Variants in ZFHX3 observed in about 807,000 individuals in gnomAD.
ZFHX3 encodes zinc finger homeobox 3.
Under a neutral mutation model 279.1 loss-of-function variants are expected in ZFHX3, and 42 were observed. The observed-to-expected ratio is 0.15, with a 90% CI of 0.12 to 0.19. The LOEUF is 0.19. Ranked by LOEUF, ZFHX3 falls within the 10% of genes least tolerant of loss-of-function variation. The probability of loss-of-function intolerance (pLI) is 1.00; values close to 1 mark genes in which losing one functional copy is unlikely to be tolerated. For synonymous variants in ZFHX3, 2,293 were observed against 1,957.8 expected (o/e 1.17, Z -4.52); for missense variants, 4,981 against 4,754.0 (o/e 1.05, Z -1.40).
intron 4 of ZFHX3, among the ~76,000 whole-genome samples, chr16:72,883,003 T>C (rs952686257): frequency 1.4e-5 from 2 of 138,184 alleles, no homozygotes; most frequent in Non-Finnish European, 1.6e-5. Context: ...TGTGTGTGTG[T>C]GTGTGTGTGT....
intron 1 of ZFHX3, among the ~76,000 whole-genome samples, chr16:72,997,429 AG>A (rs1963338296): frequency 6.6e-6 from 1 of 152,136 alleles, no homozygotes; most frequent in South Asian, 2.1e-4. Context: ...CTTGCCCTCA[AG>A]GGTTCCCCAG....
At chr16:72,945,499 C>A (rs1223630665) in intron 3 of ZFHX3, among the ~76,000 whole-genome samples, 1 of 152,134 alleles carries the variant, frequency 6.6e-6, no homozygotes, top group Admixed American at 6.5e-5. Flanking sequence ...AGGCCTCCAG[C>A]TGCTCCAGGA....
chr16:73,155,010 C>T (rs1165576016), intron 5 of ZFHX3, among the ~76,000 whole-genome samples: 1 of 151,744 alleles, frequency 6.6e-6, no homozygotes, highest in East Asian at 1.9e-4. Context: ...CCCATCTCTA[C>T]TAAAAATACA....
chr16:73,343,979 C>T (rs2016080333), intron 3 of ZFHX3, among the ~76,000 whole-genome samples: 1 of 152,158 alleles, frequency 6.6e-6, no homozygotes, highest in African/African-American at 2.4e-5. Flanking sequence ...GGGCAAACAT[C>T]ACAGTAATAA....
chr16:73,770,902 C>T (rs546593198), intron 1 of ZFHX3, among the ~76,000 whole-genome samples: 39 of 152,258 alleles, frequency 2.6e-4, no homozygotes, highest in African/African-American at 4.6e-4. Flanking sequence ...ATGTGTTAGA[C>T]GGATGGATGG....
intron 3 of ZFHX3, among the ~76,000 whole-genome samples, chr16:73,441,207 G>A (rs8044733): frequency 0.036 from 5,489 of 152,148 alleles, 269 homozygotes; most frequent in East Asian, 0.25. Context: ...GCAGGATAAG[G>A]CCCACTGCTT....
intron 1 of ZFHX3, among the ~76,000 whole-genome samples, chr16:73,798,063 C>T (rs888348530): frequency 1.3e-5 from 2 of 152,172 alleles, no homozygotes; most frequent in Middle Eastern, 3.4e-3. Flanking sequence ...CCTGCCTTGG[C>T]CTCTCAAAGT....
intron 1 of ZFHX3, among the ~76,000 whole-genome samples, chr16:73,802,378 G>A (rs1960170446): frequency 6.6e-6 from 1 of 152,224 alleles, no homozygotes; most frequent in South Asian, 2.1e-4. Flanking sequence ...GTGTTTCCCA[G>A]TGTAAGCAAT....
chr16:73,148,844 G>A (rs1188924102), intron 5 of ZFHX3, among the ~76,000 whole-genome samples: 4 of 151,702 alleles, frequency 2.6e-5, no homozygotes, highest in African/African-American at 9.7e-5. Flanking sequence ...CTACTCAGGA[G>A]GCTGAGGCAG....
intron 1 of ZFHX3, among the ~76,000 whole-genome samples, chr16:73,007,600 C>T (rs1276613773): frequency 6.6e-6 from 1 of 152,118 alleles, no homozygotes; most frequent in Admixed American, 6.5e-5. Flanking sequence ...GTGCCCACCA[C>T]CGCACCCGGC....
rs188146162 is a variant in ZFHX3, at chr16:73,840,825, C to T, written c.-1608+50826G>A. On this transcript the variant is annotated intron_variant, in intron 1 of 17. Coordinates refer to the ZFHX3 transcript ENST00000641206. ...TCGACTGATGAGATTTCCATTCCTC[C>T]TCCCGGTAAAACATGTCCCTTGGCA... Among the ~76,000 whole-genome samples the T allele has an allele frequency of 1.9e-3, 282 of 152,306 alleles. 2 individuals carry two copies. The highest frequency in any genetic ancestry group is 3.1e-3 in the Non-Finnish European group (208 of 68,030).
chr16:73,413,559 T>C (rs1227633091), intron 3 of ZFHX3, among the ~76,000 whole-genome samples: 1 of 152,206 alleles, frequency 6.6e-6, no homozygotes, highest in East Asian at 1.9e-4. Flanking sequence ...AGTAGCTCTA[T>C]GCTGGGGGCT....
At chr16:73,764,583 TA>T (rs1297983870) in intron 1 of ZFHX3, among the ~76,000 whole-genome samples, 1 of 151,914 alleles carries the variant, frequency 6.6e-6, no homozygotes, top group Non-Finnish European at 1.5e-5. Flanking sequence ...AAACAGCCAA[TA>T]CAAAAGGGAA....
At chr16:73,100,303 G>A (rs954232944) in intron 7 of ZFHX3, among the ~76,000 whole-genome samples, 5 of 152,168 alleles carry the variant, frequency 3.3e-5, no homozygotes, top group Non-Finnish European at 5.9e-5. Context: ...AAAGCCCATG[G>A]TAAGTATTCA....
chr16:72,891,166 C>T (rs1468230195), intron 3 of ZFHX3, among the ~76,000 whole-genome samples: 2 of 152,246 alleles, frequency 1.3e-5, no homozygotes, highest in Non-Finnish European at 2.9e-5. Context: ...GTCAATATCT[C>T]AAAGTCCCCT....
upstream of ZFHX3, chr16:73,062,014 G>A (rs1965690315): frequency 6.6e-6 from 1 of 151,958 alleles, no homozygotes; most frequent in Admixed American, 6.6e-5. Context: ...GAGGTACCAA[G>A]CTTGTATGAT....
At chr16:72,949,205 A>G (rs894832026) in intron 3 of ZFHX3, among the ~76,000 whole-genome samples, 4 of 152,338 alleles carry the variant, frequency 2.6e-5, no homozygotes, top group African/African-American at 7.2e-5. Flanking sequence ...TCTTCCTTAT[A>G]TGGAATCTCC....
intron 3 of ZFHX3, among the ~76,000 whole-genome samples, chr16:72,920,670 CA>C (rs35411040): frequency 0.33 from 49,101 of 149,206 alleles, 8,665 homozygotes; most frequent in African/African-American, 0.45. Flanking sequence ...AAGTTCGTCT[CA>C]AAAAAAAAAT....
chr16:73,653,856 A>G (rs968915164), intron 2 of ZFHX3, among the ~76,000 whole-genome samples: 1 of 152,178 alleles, frequency 6.6e-6, no homozygotes, highest in Non-Finnish European at 1.5e-5. Context: ...GAAGAATGAA[A>G]CAGAATATGA....
Sources: gnomAD v4.1 joint callset for allele counts (sites outside exome capture counted in the v4.1 genomes callset) on GRCh38, gnomAD v4.1.1 for gene constraint, MANE v1.5 for transcripts, NCBI Gene and HGNC (gene_info 2026-07-23, HGNC 2026-07-21) for gene names.